The following HLA-DMB variants were observed in gnomAD, a reference collection of about 807,000 sequenced individuals.
HLA-DMB encodes HLA class II histocompatibility antigen, DM beta chain.
HLA-DMB carries 18 observed loss-of-function variants against 29.3 expected under a neutral mutation model. The ratio of observed to expected loss-of-function variants is 0.62; its 90% confidence interval spans 0.43 to 0.91. The LOEUF (loss-of-function observed/expected upper bound fraction) is 0.91, where lower values mean the gene tolerates loss of function less well. HLA-DMB is among the 40% of genes least tolerant of loss of function. The pLI is 0.00. For missense variants in HLA-DMB, 258 were observed against 320.9 expected (o/e 0.80, Z 1.50); for synonymous variants, 143 against 128.7 (o/e 1.11, Z -0.75).
intron 3 of HLA-DMB, 67 bp from the exon 4 acceptor site, chr6:32,935,719 G>A (rs1201643066): frequency 1.8e-6 from 2 of 1,120,924 alleles, no homozygotes; most frequent in Admixed American, 1.7e-5. Flanking sequence ...TCCATTTATT[G>A]CAGCCACCTC....
rs1419070238 is a variant in HLA-DMB, at chr6:32,935,322, C to A, written c.775+20G>T. 6.2e-7 allele frequency: 1 copy of A among 1,605,836 alleles called. No homozygotes were observed. The highest frequency in any genetic ancestry group is 1.3e-5 in the African/African-American group (1 of 74,856). ...CCCTACCAAAGGGCAAGTAGGGAAA[C>A]AGACCAACAGAGATGTTACCTTCTG... is the stretch of plus-strand genomic sequence containing the variant. On this transcript the variant is annotated intron_variant, in intron 5 of 5. Coordinates refer to ENST00000418107, the MANE Select transcript of HLA-DMB (RefSeq NM_002118.5).
Position 32,934,845 on chromosome 6 carries a change from G to T in HLA-DMB, c.*126C>A. On this transcript the variant is annotated 3_prime_UTR_variant, in exon 6 of 6. Transcript: ENST00000418107. ...CATAGGGGAGACTGGGAAATTCAAA[G>T]AATTGGATGGAGAAACCATAGGATC... 2.9e-6 allele frequency: 3 copies of T among 1,021,372 alleles called. No homozygotes were observed. The highest frequency in any genetic ancestry group is 4.5e-6 in the Non-Finnish European group (3 of 669,300). 63.3% of individuals were successfully genotyped at this position (1,021,372 alleles called of 1,614,324 possible). A position where few individuals can be genotyped will look rare whatever the true frequency, so the allele number is the denominator to read the frequency against.
chr6:32,939,007 C>A, intron 1 of HLA-DMB, 42 bp from the exon 2 acceptor site: 1 of 1,264,010 alleles, frequency 7.9e-7, no homozygotes, highest in Non-Finnish European at 1.0e-6. Context: ...ATGTCTTCTA[C>A]TGGCCTGGCA....
rs544712060 is a variant in HLA-DMB at position 32,934,812 on chromosome 6, A to G, written c.*159T>C. Reference sequence around the variant, plus strand: ...CAGGAATGAGGTCCCCCAAGTTGCTAAGTTTTACATAGGGGAGACTGGGAA... The same window carrying G: ...CAGGAATGAGGTCCCCCAAGTTGCTGAGTTTTACATAGGGGAGACTGGGAA... On this transcript the variant is annotated 3_prime_UTR_variant, in exon 6 of 6. Coordinates refer to ENST00000418107, the MANE Select transcript of HLA-DMB (RefSeq NM_002118.5). 3 of 736,748 alleles carry G rather than the reference A, an allele frequency of 4.1e-6. No homozygotes were observed. Among genetic ancestry groups the G allele is most frequent in the Admixed American group, 5.3e-5 (2 of 37,896 alleles). The allele number at this position is 736,748 out of a possible 1,614,324, so 45.6% of individuals were successfully genotyped here. A position where few individuals can be genotyped will look rare whatever the true frequency, so the allele number is the denominator to read the frequency against.
In HLA-DMB at chr6:32,940,824, A is replaced by T. The variant is rs1336928342; in HGVS notation, c.-17T>A. On this transcript the variant is annotated 5_prime_UTR_variant, in exon 1 of 6. Coordinates refer to ENST00000418107, the MANE Select transcript of HLA-DMB (RefSeq NM_002118.5). ...TGTGATCATGCTCTGCTCTGTAAAG[A>T]TGCCGGGAGTTCAGTCCCCTGGACC... is the stretch of plus-strand genomic sequence containing the variant. The T allele has an allele frequency of 6.3e-7, 1 of 1,584,004 alleles. No individual in the cohort carries two copies. The highest frequency in any genetic ancestry group is 1.2e-5 in the South Asian group (1 of 86,780).
In HLA-DMB at chr6:32,940,799, T is replaced by C; in HGVS notation, c.9A>G (p.Thr3=). 6.2e-7 allele frequency: 1 copy of C among 1,600,154 alleles called. No homozygotes were observed. Among genetic ancestry groups the C allele is most frequent in the Non-Finnish European group, 8.5e-7 (1 of 1,174,006 alleles). The part of the protein sequence containing the change: MI[T]FLPLLLGLSL... ...TGAGCCCCAGCAGCAGCGGCAGGAA[T>C]GTGATCATGCTCTGCTCTGTAAAGA... The change falls in exon 1 of 6, where the codon ACA becomes ACG. Residue 3 remains threonine (T), a synonymous_variant. Transcript: ENST00000418107.
chr6:32,940,743 G>A lies in HLA-DMB; in HGVS notation c.55+10C>T. 1.2e-6 allele frequency: 2 copies of A among 1,602,516 alleles called. No homozygotes were observed. The highest frequency in any genetic ancestry group is 1.7e-6 in the Non-Finnish European group (2 of 1,174,636). On this transcript the variant is annotated intron_variant, in intron 1 of 5. Transcript: ENST00000418107. ...GGGGAAGGGAGAGTCCCCAGAAGAA[G>A]TGTCCTTACCTGCTCCTGTGCAGCC...
Position 32,937,297 on chromosome 6 carries a change from G to A in HLA-DMB, c.497C>T (p.Ala166Val). The change falls in exon 3 of 6, where the codon GCC becomes GTC. Residue 166 changes from alanine (A) to valine (V), a missense_variant. By Grantham distance (64) the Ala-to-Val change is moderately conservative (BLOSUM62 0). Transcript: ENST00000418107. This position sits in a 1 kb window ranked among gnomAD's most constrained non-coding sequence, Gnocchi z 4.1. Reference sequence around the variant, plus strand: ...GTATGTCCAGTCTCCATTGGGCTGGGCAGTCTTGTGCGCACTGCTGTGAGG... The same window carrying A: ...GTATGTCCAGTCTCCATTGGGCTGGACAGTCTTGTGCGCACTGCTGTGAGG... ...VMPHSSAHKT[A>V]QPNGDWTYQT... The A allele has an allele frequency of 6.2e-7, 1 of 1,614,162 alleles. No homozygotes were observed. Among genetic ancestry groups the A allele is most frequent in the Non-Finnish European group, 8.5e-7 (1 of 1,180,024 alleles).
Position 32,937,361 on chromosome 6 carries a change from C to T in HLA-DMB, c.433G>A (p.Val145Met). ...CYVWGFYPAE[V>M]TITWRKNGKL... ...CCGTTCTTCCTCCACGTGATAGTCA[C>T]TTCTGCTGGATAGAAGCCCCACACA... Residue 145 changes from valine (V) to methionine (M), a missense_variant, in exon 3 of 6, where the codon GTG (valine) becomes ATG (methionine). Val to Met is a conservative substitution (Grantham distance 21). Coordinates refer to ENST00000418107, the MANE Select transcript of HLA-DMB (RefSeq NM_002118.5). This position sits in a 1 kb window ranked among gnomAD's most constrained non-coding sequence, Gnocchi z 4.1. The T allele has an allele frequency of 6.2e-7, 1 of 1,614,258 alleles. No homozygotes were observed. The highest frequency in any genetic ancestry group is 8.5e-7 in the Non-Finnish European group (1 of 1,180,048).
chr6:32,939,171 A>G lies in HLA-DMB; in HGVS notation c.56-206T>C, dbSNP rs566871275. 4.4e-4 allele frequency among the ~76,000 whole-genome samples: 67 copies of G among 152,248 alleles called. No homozygotes were observed. In the South Asian group the frequency reaches 0.011, roughly 25 times the overall value. On this transcript the variant is annotated intron_variant, in intron 1 of 5. Coordinates refer to ENST00000418107, the MANE Select transcript of HLA-DMB (RefSeq NM_002118.5). ...CGCTTAGAATTTCCTAGATAACAGGAGTGTCTTTTGTTCTAATGAGGTACT... is the reference window on the plus strand; with the variant it reads ...CGCTTAGAATTTCCTAGATAACAGGGGTGTCTTTTGTTCTAATGAGGTACT...
intron 1 of HLA-DMB, among the ~76,000 whole-genome samples, chr6:32,940,178 T>C (rs1210109290): frequency 6.6e-6 from 1 of 152,104 alleles, no homozygotes; most frequent in Non-Finnish European, 1.5e-5. Context: ...CTGGCACAGA[T>C]TTCCTGCTCA....
chr6:32,940,082 G>A (rs973962596), intron 1 of HLA-DMB, among the ~76,000 whole-genome samples: 1 of 151,248 alleles, frequency 6.6e-6, no homozygotes, highest in Non-Finnish European at 1.5e-5. Context: ...GGTCAAAGAA[G>A]TGTTGAGTGT....
At chr6:32,940,694 C>T in intron 1 of HLA-DMB, 59 bp downstream of exon 1, 8 of 1,382,364 alleles carry the variant, frequency 5.8e-6, no homozygotes, top group Non-Finnish European at 7.0e-6. Context: ...CAAAACGGAA[C>T]ACCCTTACCC....
At chr6:32,935,943 T>G in intron 3 of HLA-DMB, 1 of 462,298 alleles carries the variant, frequency 2.2e-6, no homozygotes, top group Non-Finnish European at 3.9e-6. Flanking sequence ...TTCCTTCCTT[T>G]ACCCCAAAGC....
At position 32,940,884 on chromosome 6, in the gene HLA-DMB, C is replaced by A; in HGVS notation, c.-77G>T. The A allele has an allele frequency of 8.8e-7, 1 of 1,132,892 alleles. No individual in the cohort carries two copies. The allele number at this position is 1,132,892 out of a possible 1,614,324, so 70.2% of individuals were successfully genotyped here. On this transcript the variant is annotated 5_prime_UTR_variant, in exon 1 of 6. Coordinates refer to ENST00000418107, the MANE Select transcript of HLA-DMB (RefSeq NM_002118.5). ...AGGGTCCGTGGGTCCTCGCCTGTCCCAGAAGCCCCAGCCTGGGTAGATGAT... is the reference window on the plus strand; with the variant it reads ...AGGGTCCGTGGGTCCTCGCCTGTCCAAGAAGCCCCAGCCTGGGTAGATGAT...
chr6:32,937,467 G>GA lies in HLA-DMB; in HGVS notation c.338-12dup, dbSNP rs761285537. 8.1e-6 allele frequency: 13 copies of GA among 1,601,624 alleles called. No homozygotes were observed. Among genetic ancestry groups the GA allele is most frequent in the South Asian group, 2.2e-5 (2 of 90,174 alleles). ...GCACAGATGGTGGCCCTGCATAGGA[G>GA]AAAAAAACATGTTTAGGAAGGAGGG... On this transcript the variant is annotated splice_polypyrimidine_tract_variant and intron_variant, in intron 2 of 5. Transcript: ENST00000418107. This position sits in a 1 kb window ranked among gnomAD's most constrained non-coding sequence, Gnocchi z 4.1.
At chr6:32,939,637 A>G (rs1776229454) in intron 1 of HLA-DMB, among the ~76,000 whole-genome samples, 1 of 152,248 alleles carries the variant, frequency 6.6e-6, no homozygotes, top group South Asian at 2.1e-4. Flanking sequence ...AATGTTTCCA[A>G]CACAAAGAAA....
In HLA-DMB at chr6:32,937,222, G is replaced by T; in HGVS notation, c.572C>A (p.Thr191Asn). The change falls in exon 3 of 6, where the codon ACC (threonine) becomes AAC (asparagine). Residue 191 changes from threonine to asparagine, a missense_variant. Physicochemically the swap from Thr to Asn is moderately conservative, Grantham distance 65. Coordinates refer to ENST00000418107, the MANE Select transcript of HLA-DMB (RefSeq NM_002118.5). The surrounding 1 kb of genome is among the most constrained non-coding windows in gnomAD (Gnocchi z 4.1). ...ALTPSYGDTY[T>N]CVVEHTGAPE... The stretch of plus-strand genomic sequence containing the variant: ...AGCCCCAGTGTGCTCTACCACACAG[G>T]TGTAAGTGTCCCCGTAAGAGGGGGT... 2 of 1,613,656 alleles carry T rather than the reference G, an allele frequency of 1.2e-6. No homozygotes were observed. Among genetic ancestry groups the T allele is most frequent in the Non-Finnish European group, 1.7e-6 (2 of 1,179,678 alleles).
At chr6:32,935,245 C>A in intron 5 of HLA-DMB, 97 bp downstream of exon 5, 1 of 1,020,964 alleles carries the variant, frequency 9.8e-7, no homozygotes, top group Admixed American at 1.7e-5. Context: ...GAAGCTCACC[C>A]ATATAATAAT....
Sources: gnomAD v4.1 joint callset for allele counts (sites outside exome capture counted in the v4.1 genomes callset) on GRCh38, gnomAD v4.1.1 for gene constraint, Gnocchi (gnomAD v3.1) non-coding constraint, MANE v1.5 for transcripts, NCBI Gene and HGNC (gene_info 2026-07-23, HGNC 2026-07-21) for gene names.